Variants in CCNY observed in about 807,000 individuals in gnomAD.
The protein encoded by CCNY is cyclin Y.
CCNY carries 19 observed loss-of-function variants against 42.8 expected under a neutral mutation model. The observed-to-expected ratio is 0.44, with a 90% confidence interval of 0.31 to 0.65. The LOEUF is 0.65. CCNY is among the 30% of genes least tolerant of loss of function. CCNY has a pLI of 0.07. For synonymous variants in CCNY, 165 were observed against 162.7 expected, an observed-to-expected ratio of 1.01 and a Z score of -0.11; for missense variants, 370 against 437.3, an observed-to-expected ratio of 0.85 and a Z score of 1.37.
intron 8 of CCNY, among the ~76,000 whole-genome samples, chr10:35,554,722 A>G (rs1841328707): frequency 6.6e-6 from 1 of 152,194 alleles, no homozygotes; most frequent in African/African-American, 2.4e-5. Context: ...GACCATGACT[A>G]GGTGTGTCCA....
At chr10:35,548,355 G>A (rs1184521322) in intron 7 of CCNY, among the ~76,000 whole-genome samples, 2 of 149,918 alleles carry the variant, frequency 1.3e-5, no homozygotes, top group East Asian at 1.9e-4. Context: ...CTGGAGTGCA[G>A]TTTCACGATC....
At chr10:35,467,606 A>G (rs2431056) in intron 1 of CCNY, among the ~76,000 whole-genome samples, 8,073 of 152,236 alleles carry the variant, frequency 0.053, 318 homozygotes, top group African/African-American at 0.11. Context: ...AAATAACAAT[A>G]ATTTTGTTTC....
intron 1 of CCNY, among the ~76,000 whole-genome samples, chr10:35,247,857 C>T (rs35394782): frequency 0.041 from 3,949 of 96,374 alleles, 93 homozygotes; most frequent in Middle Eastern, 0.2. Flanking sequence ...GCCTGGGTGA[C>T]AGAGCAAGAC....
At chr10:35,482,994 A>G (rs779171862) in intron 1 of CCNY, among the ~76,000 whole-genome samples, 92 of 152,244 alleles carry the variant, frequency 6.0e-4, no homozygotes, top group Non-Finnish European at 1.1e-3. Flanking sequence ...CGCCCTAACG[A>G]GTTGAGATAT....
chr10:35,445,861 A>G (rs183824653), intron 1 of CCNY, among the ~76,000 whole-genome samples: 4 of 152,304 alleles, frequency 2.6e-5, no homozygotes, highest in African/African-American at 7.2e-5. Context: ...ACTGTGCCAC[A>G]TTTGCTTTAT....
chr10:35,416,193 G>GTT (rs541587787), intron 1 of CCNY, among the ~76,000 whole-genome samples: 2,356 of 151,822 alleles, frequency 0.016, 30 homozygotes, highest in Non-Finnish European at 0.027. Context: ...GTGTGTGTGT[G>GTT]TCCTTGTAGG....
chr10:35,328,443 A>G (rs1385272630), intron 3 of CCNY, among the ~76,000 whole-genome samples: 3 of 152,230 alleles, frequency 2.0e-5, no homozygotes, highest in African/African-American at 7.2e-5. Flanking sequence ...TACAGTGACC[A>G]ATCAACATTC....
intron 1 of CCNY, among the ~76,000 whole-genome samples, chr10:35,421,595 A>G (rs1838160136): frequency 1.3e-5 from 2 of 152,142 alleles, no homozygotes; most frequent in Non-Finnish European, 2.9e-5. Context: ...TGTCAGGGAC[A>G]GTTTCATGCC....
rs184402731 is a variant in CCNY, at chr10:35,565,444, T to C, written c.747-579T>C. Among the ~76,000 whole-genome samples the C allele has an allele frequency of 3.3e-4, 51 of 152,344 alleles. No homozygotes were observed. The East Asian group carries it at 5.6e-3, about 17-fold the overall frequency. The stretch of plus-strand genomic sequence containing the variant: ...GGGGTGCGTGCTCAAGTGTGGAAAC[T>C]ACTGCTTCCATTCTTCCCGGCTTGT... On this transcript the variant is annotated intron_variant, in intron 8 of 9. Coordinates refer to ENST00000374704, the MANE Select transcript of CCNY (RefSeq NM_145012.6).
intron 3 of CCNY, among the ~76,000 whole-genome samples, chr10:35,323,125 C>T (rs1015343885): frequency 5.3e-5 from 8 of 152,078 alleles, no homozygotes; most frequent in Admixed American, 3.3e-4. Context: ...CACAGGGTTT[C>T]GTCATGTTGG....
Position 35,565,899 on chromosome 10 carries a change from T to G in CCNY, c.747-124T>G, listed in dbSNP as rs995550257. 1.1e-5 allele frequency: 10 copies of G among 938,188 alleles called. No homozygotes were observed. The African/African-American group carries it at 1.3e-4, about 12-fold the overall frequency. 58.1% of individuals were successfully genotyped at this position (938,188 alleles called of 1,614,324 possible). On this transcript the variant is annotated intron_variant, in intron 8 of 9. Transcript: ENST00000374704. ...TATGGTGGTCTAACCAGACATTTAC[T>G]TAGATCACTGGTCTTCCTGGAGGAT...
At chr10:35,534,954 T>TAC (rs58564724) in intron 7 of CCNY, among the ~76,000 whole-genome samples, 2,056 of 139,454 alleles carry the variant, frequency 0.015, 25 homozygotes, top group African/African-American at 0.02. Context: ...TGGGGATACA[T>TAC]ACACACACAC....
At chr10:35,308,619 C>A (rs1835643597) in intron 3 of CCNY, among the ~76,000 whole-genome samples, 2 of 151,978 alleles carry the variant, frequency 1.3e-5, no homozygotes, top group Admixed American at 1.3e-4. Context: ...GTGTGGAGGG[C>A]AGGGACCCAA....
chr10:35,394,232 C>T (rs922089128), intron 1 of CCNY, among the ~76,000 whole-genome samples: 1 of 152,176 alleles, frequency 6.6e-6, no homozygotes, highest in Non-Finnish European at 1.5e-5. Context: ...TCTGATTTCT[C>T]CACTCCTAAT....
At chr10:35,533,751 T>C (rs1396500480) in intron 7 of CCNY, among the ~76,000 whole-genome samples, 2 of 152,222 alleles carry the variant, frequency 1.3e-5, no homozygotes, top group East Asian at 3.8e-4. Context: ...TTAATTTTAT[T>C]GTTTTGTCAG....
intron 3 of CCNY, among the ~76,000 whole-genome samples, chr10:35,290,943 T>C (rs557111896): frequency 6.6e-6 from 1 of 152,086 alleles, no homozygotes; most frequent in South Asian, 2.1e-4. Context: ...CACACAATAA[T>C]CTACTTTCTA....
intron 3 of CCNY, among the ~76,000 whole-genome samples, chr10:35,308,474 C>CCTGAG (rs1297149448): frequency 6.6e-6 from 1 of 152,074 alleles, no homozygotes; most frequent in African/African-American, 2.4e-5. Flanking sequence ...ATCACTTGAG[C>CCTGAG]CTGAGAGTTT....
At chr10:35,539,571 G>A (rs1478542298) in intron 7 of CCNY, among the ~76,000 whole-genome samples, 4 of 152,112 alleles carry the variant, frequency 2.6e-5, no homozygotes, top group Non-Finnish European at 5.9e-5. Context: ...GGTGGGTCAC[G>A]AGGTCAAGAG....
At chr10:35,427,810 G>C (rs533602041) in intron 1 of CCNY, among the ~76,000 whole-genome samples, 8 of 152,256 alleles carry the variant, frequency 5.3e-5, no homozygotes, top group Admixed American at 2.6e-4. Context: ...TTCCCTGCAG[G>C]AAAGAGCAGC....
Sources: allele counts gnomAD v4.1 joint callset (sites outside exome capture counted in the v4.1 genomes callset), GRCh38; gene constraint gnomAD v4.1.1; transcripts MANE v1.5; gene names NCBI Gene and HGNC (gene_info 2026-07-23, HGNC 2026-07-21).